Variants in ZNF892 observed in about 807,000 individuals in gnomAD.
ZNF892 encodes the protein zinc finger protein 892, also known as zinc finger protein 570-like.
the ZNF892 span, chr2:95,212,402 T>G: frequency 2.5e-6 from 1 of 396,652 alleles, no homozygotes; most frequent in Non-Finnish European, 4.4e-6. Context: ...CTCACCCCTA[T>G]GCCACATCCT....
the ZNF892 span, among the ~76,000 whole-genome samples, chr2:95,225,908 AAG>A: frequency 2.0e-5 from 3 of 152,218 alleles, no homozygotes; most frequent in East Asian, 1.9e-4. Flanking sequence ...CACAGAAAAA[AAG>A]AGAGGAGATC....
the ZNF892 span, among the ~76,000 whole-genome samples, chr2:95,206,473 G>A: frequency 6.6e-6 from 1 of 152,114 alleles, no homozygotes; most frequent in Admixed American, 6.5e-5. Context: ...AAGGGGAGGG[G>A]AACTCAAATG....
chr2:95,243,902 G>T, the ZNF892 span, among the ~76,000 whole-genome samples: 11 of 152,224 alleles, frequency 7.2e-5, no homozygotes, highest in Non-Finnish European at 1.6e-4. Context: ...GAATAGAAAG[G>T]GGGGAAGGTG....
At chr2:95,246,435 C>T in the ZNF892 span, among the ~76,000 whole-genome samples, 1 of 152,158 alleles carries the variant, frequency 6.6e-6, no homozygotes, top group African/African-American at 2.4e-5. Flanking sequence ...TGGAAGCACT[C>T]CCCTTGAAAA....
chr2:95,220,339 T>C, the ZNF892 span, among the ~76,000 whole-genome samples: 1 of 151,958 alleles, frequency 6.6e-6, no homozygotes, highest in African/African-American at 2.4e-5. Context: ...AAGCAGATTT[T>C]TCTTGGGGCT....
At chr2:95,244,435 G>C in the ZNF892 span, among the ~76,000 whole-genome samples, 1 of 150,954 alleles carries the variant, frequency 6.6e-6, no homozygotes, top group Non-Finnish European at 1.5e-5. Context: ...AACCAACAAA[G>C]ATTAAAAAAA....
chr2:95,257,913 G>A, the ZNF892 span, among the ~76,000 whole-genome samples: 1 of 152,156 alleles, frequency 6.6e-6, no homozygotes, highest in Admixed American at 6.5e-5. Flanking sequence ...TAAGACCATT[G>A]GAAAAGCGCA....
chr2:95,215,526 G>A, the ZNF892 span: 1 of 412,072 alleles, frequency 2.4e-6, no homozygotes, highest in South Asian at 1.1e-4. Flanking sequence ...TCATGCTGGA[G>A]TGAAAACCAA....
chr2:95,217,497 C>T, the ZNF892 span, among the ~76,000 whole-genome samples: 2 of 152,184 alleles, frequency 1.3e-5, no homozygotes, highest in South Asian at 4.1e-4. Flanking sequence ...ATGGCTAAGA[C>T]TCAAGATACA....
chr2:95,207,432 C>A, the ZNF892 span: 1 of 173,372 alleles, frequency 5.8e-6, no homozygotes, highest in African/African-American at 2.4e-5. Context: ...AAACGCAGCC[C>A]CGGGAGCAGG....
At chr2:95,206,652 G>A in the ZNF892 span, among the ~76,000 whole-genome samples, 4 of 152,160 alleles carry the variant, frequency 2.6e-5, no homozygotes, top group Non-Finnish European at 5.9e-5. Context: ...ACGAACTCAA[G>A]GCTTTATGTT....
At chr2:95,207,899 C>T in the ZNF892 span, 3 of 398,462 alleles carry the variant, frequency 7.5e-6, no homozygotes, top group Non-Finnish European at 1.3e-5. Flanking sequence ...GAAAGGCTAC[C>T]TCTGGCTGGC....
At chr2:95,255,551 T>G in the ZNF892 span, among the ~76,000 whole-genome samples, 1 of 152,216 alleles carries the variant, frequency 6.6e-6, no homozygotes, top group African/African-American at 2.4e-5. Context: ...AGAATGTATA[T>G]TCTGTTGATT....
At chr2:95,245,533 T>C in the ZNF892 span, among the ~76,000 whole-genome samples, 1 of 138,644 alleles carries the variant, frequency 7.2e-6, no homozygotes, top group African/African-American at 2.7e-5. Flanking sequence ...CCTCCCAAAG[T>C]GCTGGGATTA....
the ZNF892 span, chr2:95,215,477 C>G: frequency 2.3e-6 from 1 of 435,548 alleles, no homozygotes; most frequent in Non-Finnish European, 4.1e-6. Flanking sequence ...GTGGAAAAGC[C>G]TTTAGCCAGA....
the ZNF892 span, among the ~76,000 whole-genome samples, chr2:95,243,201 A>G: frequency 6.6e-6 from 1 of 151,940 alleles, no homozygotes; most frequent in Non-Finnish European, 1.5e-5. Context: ...GGCTCGCTAC[A>G]ACCTCCACCT....
chr2:95,221,474 G>A, the ZNF892 span, among the ~76,000 whole-genome samples: 1 of 152,256 alleles, frequency 6.6e-6, no homozygotes, highest in South Asian at 2.1e-4. Flanking sequence ...CTCTGGGGGA[G>A]TTTGTGTCCC....
chr2:95,233,943 G>A, the ZNF892 span, among the ~76,000 whole-genome samples: 1 of 152,240 alleles, frequency 6.6e-6, no homozygotes, highest in East Asian at 1.9e-4. Flanking sequence ...GCCTCCCAAA[G>A]TGCTGGGATT....
chr2:95,242,280 C>G, the ZNF892 span, among the ~76,000 whole-genome samples: 2 of 152,226 alleles, frequency 1.3e-5, no homozygotes. Context: ...GCCTATTAGA[C>G]TAACAGCCGA....
Sources: allele counts gnomAD v4.1 joint callset (sites outside exome capture counted in the v4.1 genomes callset), GRCh38; gene constraint gnomAD v4.1.1; transcripts MANE v1.5; gene names NCBI Gene and HGNC (gene_info 2026-07-23, HGNC 2026-07-21).